PSMC6: variants seen among roughly 807,000 people sequenced by gnomAD.
The protein encoded by PSMC6 is 26S proteasome regulatory subunit 10B.
PSMC6 carries 3 observed loss-of-function variants against 55.9 expected under a neutral mutation model. The ratio of observed to expected loss-of-function variants is 0.05; its 90% CI spans 0.02 to 0.14. The LOEUF is 0.14. Ranked by LOEUF, PSMC6 falls within the 10% of genes least tolerant of loss-of-function variation. The pLI is 1.00. For missense variants in PSMC6, 210 were observed against 478.7 expected, an observed-to-expected ratio of 0.44 and a Z score of 5.24; for synonymous variants, 137 against 155.9, an observed-to-expected ratio of 0.88 and a Z score of 0.90.
chr14:52,719,131 A>C, intron 10 of PSMC6, 93 bp downstream of exon 10: 1 of 1,061,968 alleles, frequency 9.4e-7, no homozygotes, highest in South Asian at 1.5e-5. Context: ...TATATAGAAC[A>C]TTTTAAATGA....
chr14:52,711,011 TGAG>T, intron 4 of PSMC6, 87 bp from the exon 5 acceptor site: 1 of 1,313,036 alleles, frequency 7.6e-7, no homozygotes, highest in South Asian at 1.2e-5. Flanking sequence ...AGGGTAAAAA[TGAG>T]TGTTTGGCTT....
intron 4 of PSMC6, 128 bp from the exon 5 acceptor site, chr14:52,710,973 T>C: frequency 1.3e-6 from 1 of 761,408 alleles, no homozygotes; most frequent in Non-Finnish European, 2.2e-6. Flanking sequence ...GCATAGAGTT[T>C]ATAATCTGAT....
intron 13 of PSMC6, among the ~76,000 whole-genome samples, chr14:52,726,545 A>G (rs998775649): frequency 6.6e-6 from 1 of 152,128 alleles, no homozygotes; most frequent in Non-Finnish European, 1.5e-5. Context: ...TTACGCTTAA[A>G]ATGTGTATGT....
chr14:52,710,988 G>A (rs1438634484), intron 4 of PSMC6, 113 bp from the exon 5 acceptor site: 7 of 850,854 alleles, frequency 8.2e-6, no homozygotes, highest in African/African-American at 3.6e-5. Context: ...TCTGATATTT[G>A]TGTTCTCTCT....
intron 10 of PSMC6, 142 bp downstream of exon 10, chr14:52,719,180 T>C (rs1393014472): frequency 1.2e-6 from 1 of 829,652 alleles, no homozygotes; most frequent in Non-Finnish European, 1.8e-6. Flanking sequence ...ACAAACATGT[T>C]TCTCTATCAC....
At chr14:52,711,311 C>A in intron 5 of PSMC6, 99 bp from the exon 6 acceptor site, 2 of 1,260,658 alleles carry the variant, frequency 1.6e-6, no homozygotes, top group Non-Finnish European at 2.3e-6. Flanking sequence ...TTTATGAGAT[C>A]AGCTACAGGT....
Position 52,720,936 on chromosome 14 carries a change from C to T in PSMC6, c.853C>T (p.Leu285=), listed in dbSNP as rs1252848911. The change falls in exon 11 of 14, where the codon CTG becomes TTG. Residue 285 remains leucine (L), a synonymous_variant. Coordinates refer to ENST00000445930, the MANE Select transcript of PSMC6 (RefSeq NM_002806.5). ...CATGGCTACAAACAGACCAGATACA[C>T]TGGATCCTGCTTTGCTGCGTCCAGG... is the stretch of plus-strand genomic sequence containing the variant. ...MIMATNRPDT[L]DPALLRPGRL... The T allele has an allele frequency of 6.8e-6, 11 of 1,613,334 alleles. No homozygotes were observed. The highest frequency in any genetic ancestry group is 9.3e-6 in the Non-Finnish European group (11 of 1,179,548).
intron 13 of PSMC6, among the ~76,000 whole-genome samples, chr14:52,724,482 T>C (rs960143845): frequency 5.3e-5 from 8 of 152,166 alleles, no homozygotes; most frequent in Non-Finnish European, 1.0e-4. Flanking sequence ...TGCTACAGAA[T>C]TGCCTACCAC....
chr14:52,715,816 C>T (rs1208744851), intron 7 of PSMC6, among the ~76,000 whole-genome samples: 4 of 151,888 alleles, frequency 2.6e-5, no homozygotes, highest in Non-Finnish European at 5.9e-5. Flanking sequence ...AGGGTTTTGC[C>T]ATGTTGCCCA....
intron 9 of PSMC6, chr14:52,718,688 A>G: frequency 2.4e-6 from 1 of 414,826 alleles, no homozygotes. Context: ...GAGGAGGCTG[A>G]GGCACGAGAA....
chr14:52,724,546 A>G (rs1880326609), intron 13 of PSMC6, among the ~76,000 whole-genome samples: 1 of 152,232 alleles, frequency 6.6e-6, no homozygotes, highest in African/African-American at 2.4e-5. Flanking sequence ...CTGCAAAATG[A>G]ATTGTGTATG....
At chr14:52,708,267 G>T (rs1412172400) in intron 1 of PSMC6, 42 bp from the exon 2 acceptor site, 1 of 1,526,436 alleles carries the variant, frequency 6.6e-7, no homozygotes, top group African/African-American at 1.4e-5. Context: ...AACACACTAA[G>T]ATTACTGTTC....
intron 9 of PSMC6, 74 bp from the exon 10 acceptor site, chr14:52,718,903 A>G: frequency 1.7e-6 from 2 of 1,150,536 alleles, no homozygotes; most frequent in South Asian, 2.6e-5. Flanking sequence ...ACAGACTGTT[A>G]TGTTCTGTTT....
intron 1 of PSMC6, among the ~76,000 whole-genome samples, chr14:52,708,088 G>C (rs114375049): frequency 6.6e-6 from 1 of 152,118 alleles, no homozygotes; most frequent in African/African-American, 2.4e-5. Flanking sequence ...AAGTATTGCC[G>C]ATCAACAAAG....
chr14:52,716,489 C>T (rs2041831088), intron 7 of PSMC6, among the ~76,000 whole-genome samples: 1 of 152,212 alleles, frequency 6.6e-6, no homozygotes, highest in African/African-American at 2.4e-5. Context: ...TGCAGTGGCT[C>T]ATACCTGTAG....
chr14:52,717,268 A>G (rs1408211558), intron 7 of PSMC6, among the ~76,000 whole-genome samples: 1 of 152,098 alleles, frequency 6.6e-6, no homozygotes, highest in Admixed American at 6.5e-5. Flanking sequence ...AATTTAAAAT[A>G]GATTTTAAAA....
Position 52,724,176 on chromosome 14 carries a change from A to G in PSMC6, c.1051+140A>G, listed in dbSNP as rs2139858135. 2.8e-6 allele frequency: 2 copies of G among 721,798 alleles called. 1 individual carries two copies. 44.7% of individuals were successfully genotyped at this position (721,798 alleles called of 1,614,324 possible). A position where few individuals can be genotyped will look rare whatever the true frequency, so the allele number is the denominator to read the frequency against. ...GTTCTTTTAGGAATCGATTCCAGGA[A>G]ATAGGAGAAGCAGGGCAAGTGAGAT... On this transcript the variant is annotated intron_variant, in intron 13 of 13. Coordinates refer to ENST00000445930, the MANE Select transcript of PSMC6 (RefSeq NM_002806.5).
At chr14:52,707,592 G>T in intron 1 of PSMC6, 1 of 365,632 alleles carries the variant, frequency 2.7e-6, no homozygotes, top group Non-Finnish European at 5.1e-6. Flanking sequence ...TCCCAGGTTA[G>T]GGTGCAAGAA....
At position 52,727,867 on chromosome 14, in the gene PSMC6, A is replaced by G. The variant is rs1317949499; in HGVS notation, c.*250A>G. 2 of 321,020 alleles carry G rather than the reference A, an allele frequency of 6.2e-6. No homozygotes were observed. Among genetic ancestry groups the G allele is most frequent in the East Asian group, 6.2e-5 (1 of 16,188 alleles). 19.9% of individuals were successfully genotyped at this position (321,020 alleles called of 1,614,324 possible). On this transcript the variant is annotated 3_prime_UTR_variant, in exon 14 of 14. Coordinates refer to ENST00000445930, the MANE Select transcript of PSMC6 (RefSeq NM_002806.5). ...AGCTTTTCATATTTGCTGCGTGAGC[A>G]TTTTGTAAAATATTGAAAGTGGTTT...
Sources: gnomAD v4.1 joint callset for allele counts (sites outside exome capture counted in the v4.1 genomes callset) on GRCh38, gnomAD v4.1.1 for gene constraint, MANE v1.5 for transcripts, NCBI Gene and HGNC (gene_info 2026-07-23, HGNC 2026-07-21) for gene names.